HIVEP3: variants seen among roughly 807,000 people sequenced by gnomAD.
HIVEP3 encodes HIVEP zinc finger 3.
Under a neutral mutation model 152.8 loss-of-function variants are expected in HIVEP3, and 49 were observed. The observed-to-expected ratio is 0.32, with a 90% CI of 0.26 to 0.41. The LOEUF (loss-of-function observed/expected upper bound fraction) is 0.41. Among genes scored for constraint, HIVEP3 ranks in the 10% least tolerant of loss-of-function variants. HIVEP3 has a pLI of 1.00. For missense variants in HIVEP3, 2,790 were observed against 3,103.3 expected, an observed-to-expected ratio of 0.90 and a Z score of 2.40; for synonymous variants, 1,269 against 1,289.0, an observed-to-expected ratio of 0.98 and a Z score of 0.33.
intron 1 of HIVEP3, among the ~76,000 whole-genome samples, chr1:41,892,791 G>A (rs115378864): frequency 0.022 from 3,364 of 152,072 alleles, 66 homozygotes; most frequent in Middle Eastern, 0.027. Context: ...TAGTCTGAAC[G>A]TGCCCAGCCA....
chr1:41,581,954 C>A lies in HIVEP3; in HGVS notation c.2844G>T (p.Ser948=). The A allele has an allele frequency of 6.2e-7, 1 of 1,614,152 alleles. No individual in the cohort carries two copies. The highest frequency in any genetic ancestry group is 1.1e-5 in the South Asian group (1 of 91,078). Residue 948 remains serine (S), a synonymous_variant, in exon 4 of 9, where the codon TCG becomes TCT. Transcript: ENST00000372583. This position sits in a 1 kb window ranked among gnomAD's most constrained non-coding sequence, Gnocchi z 4.5. The part of the protein sequence containing the change: ...VSLSGSSRSA[S]FERDDHGKAE... ...CTTTCCCATGGTCATCCCTCTCAAA[C>A]GAGGCTGAGCGGCTGGACCCACTCA...
intron 5 of HIVEP3, among the ~76,000 whole-genome samples, chr1:41,560,680 G>T (rs1430101554): frequency 2.0e-5 from 3 of 152,194 alleles, no homozygotes; most frequent in African/African-American, 7.2e-5. Flanking sequence ...GCTGGGTTGG[G>T]TCTCCTTTCT....
chr1:41,987,052 T>G (rs1645327882), intron 1 of HIVEP3, among the ~76,000 whole-genome samples: 1 of 152,212 alleles, frequency 6.6e-6, no homozygotes, highest in African/African-American at 2.4e-5. Flanking sequence ...ACACATTCAT[T>G]TATACATTCT....
chr1:41,664,083 C>T lies in HIVEP3; in HGVS notation c.-720-35136G>A, dbSNP rs985151195. On this transcript the variant is annotated intron_variant, in intron 2 of 8. Transcript: ENST00000372583. The surrounding 1 kb of genome is among the most constrained non-coding windows in gnomAD (Gnocchi z 4.4). ...CTTGAGGTCTTCATACAGGCTTTCC[C>T]TTTGAAATGTCTTCTCCACCCCCTC... Among the ~76,000 whole-genome samples the T allele has an allele frequency of 5.9e-5, 9 of 152,202 alleles. No individual in the cohort carries two copies. In the South Asian group the frequency reaches 6.2e-4, roughly 11 times the overall value.
intron 3 of HIVEP3, among the ~76,000 whole-genome samples, chr1:41,603,629 G>A (rs1644777536): frequency 6.6e-6 from 1 of 152,132 alleles, no homozygotes; most frequent in African/African-American, 2.4e-5. Flanking sequence ...CAAAGTGCTG[G>A]GATTACAGGT....
intron 1 of HIVEP3, among the ~76,000 whole-genome samples, chr1:41,779,612 C>T (rs747228780): frequency 1.8e-4 from 28 of 152,364 alleles, no homozygotes; most frequent in African/African-American, 4.6e-4. Context: ...TCTCCTACTT[C>T]GGCCTCCCGA....
chr1:41,716,525 G>GC (rs1646596766), intron 1 of HIVEP3, among the ~76,000 whole-genome samples: 1 of 152,218 alleles, frequency 6.6e-6, no homozygotes, highest in Non-Finnish European at 1.5e-5. Flanking sequence ...GAGCTGGGGG[G>GC]CCCCGATGAG....
intron 1 of HIVEP3, among the ~76,000 whole-genome samples, chr1:41,934,245 T>C (rs1645009025): frequency 6.6e-6 from 1 of 152,156 alleles, no homozygotes; most frequent in South Asian, 2.1e-4. Context: ...TTATTTATTA[T>C]CCCTAGGGCT....
At chr1:41,902,193 G>A (rs914947394) in intron 1 of HIVEP3, among the ~76,000 whole-genome samples, 6 of 152,238 alleles carry the variant, frequency 3.9e-5, no homozygotes, top group South Asian at 2.1e-4. Flanking sequence ...TGCTTAAAAG[G>A]GAATTTGAGG....
chr1:41,574,441 T>A lies in HIVEP3; in HGVS notation c.5207+1103A>T, dbSNP rs151196455. ...GCTACCCCTGGCCCCCTTCCCATCA[T>A]TGACTACCCTGCTGCCCACATTTCC... is the stretch of plus-strand genomic sequence containing the variant. On this transcript the variant is annotated intron_variant, in intron 5 of 8. Transcript: ENST00000372583. Among the ~76,000 whole-genome samples, 837 of 152,278 alleles carry A rather than the reference T, an allele frequency of 5.5e-3. 6 individuals carry two copies. The highest frequency in any genetic ancestry group is 0.019 in the African/African-American group (803 of 41,562).
intron 1 of HIVEP3, among the ~76,000 whole-genome samples, chr1:41,968,203 C>T (rs913423314): frequency 6.6e-6 from 1 of 151,772 alleles, no homozygotes; most frequent in Admixed American, 6.6e-5. Flanking sequence ...TTTTATGAGG[C>T]CAGCATAATC....
intron 5 of HIVEP3, among the ~76,000 whole-genome samples, chr1:41,525,993 AG>A: frequency 1.3e-5 from 1 of 77,622 alleles, no homozygotes; most frequent in Non-Finnish European, 4.5e-5. Flanking sequence ...AACGCCAGCC[AG>A]AGTTGCCCTC....
intron 5 of HIVEP3, among the ~76,000 whole-genome samples, chr1:41,530,302 T>C (rs1227047570): frequency 1.3e-5 from 2 of 152,186 alleles, no homozygotes; most frequent in Non-Finnish European, 2.9e-5. Flanking sequence ...TACGCAGAAA[T>C]GACTCGGTTC....
Position 41,506,601 on chromosome 1 carries a change from T to G in HIVEP3, c.*3850A>C, listed in dbSNP as rs1644384543. On this transcript the variant is annotated 3_prime_UTR_variant, in exon 9 of 9. Coordinates refer to ENST00000372583, the MANE Select transcript of HIVEP3 (RefSeq NM_024503.5). Reference sequence around the variant, plus strand: ...CCTGCGTGGATTTTTGTTTTTTTTTTTTGTTTGTTTCTGTTTTGTTTTTTC... The same window carrying G: ...CCTGCGTGGATTTTTGTTTTTTTTTGTTGTTTGTTTCTGTTTTGTTTTTTC... 1 of 34,080 alleles carries G rather than the reference T, an allele frequency of 2.9e-5. No individual in the cohort carries two copies. The highest frequency in any genetic ancestry group is 1.3e-4 in the Non-Finnish European group (1 of 7,896). 2.1% of individuals were successfully genotyped at this position (34,080 alleles called of 1,614,324 possible). A position where few individuals can be genotyped will look rare whatever the true frequency, so the allele number is the denominator to read the frequency against.
chr1:41,687,651 T>C (rs1243692301), intron 2 of HIVEP3, among the ~76,000 whole-genome samples: 3 of 152,236 alleles, frequency 2.0e-5, no homozygotes, highest in East Asian at 1.9e-4. Context: ...CTGGGAGCAA[T>C]GACAGAGTCC....
intron 1 of HIVEP3, among the ~76,000 whole-genome samples, chr1:41,914,008 A>G (rs143577849): frequency 0.022 from 3,308 of 152,200 alleles, 70 homozygotes; most frequent in Non-Finnish European, 0.026. Flanking sequence ...CAAATCTGAA[A>G]GGCATTTTCA....
intron 1 of HIVEP3, among the ~76,000 whole-genome samples, chr1:41,889,847 T>G (rs1401146651): frequency 6.6e-6 from 1 of 152,228 alleles, no homozygotes; most frequent in African/African-American, 2.4e-5. Flanking sequence ...CACTCCCATC[T>G]AATCCTCACA....
intron 1 of HIVEP3, among the ~76,000 whole-genome samples, chr1:41,836,047 CTA>C (rs1216539033): frequency 6.6e-6 from 1 of 152,178 alleles, no homozygotes; most frequent in Non-Finnish European, 1.5e-5. Context: ...CCTGTGGCTG[CTA>C]TGTCTTCAGA....
chr1:41,757,018 G>C (rs1401022672), intron 1 of HIVEP3, among the ~76,000 whole-genome samples: 3 of 151,930 alleles, frequency 2.0e-5, no homozygotes, highest in Non-Finnish European at 2.9e-5. Context: ...GGATCTCAAA[G>C]AGGAGGGCGG....
Sources: allele counts gnomAD v4.1 joint callset (sites outside exome capture counted in the v4.1 genomes callset), GRCh38; gene constraint gnomAD v4.1.1; non-coding constraint Gnocchi (gnomAD v3.1); transcripts MANE v1.5; gene names NCBI Gene and HGNC (gene_info 2026-07-23, HGNC 2026-07-21).